The following SNIP1 variants were observed in gnomAD, a reference collection of about 807,000 sequenced individuals.
SNIP1 encodes smad nuclear-interacting protein 1.
A neutral mutation model predicts 37.4 loss-of-function variants in SNIP1; 23 were observed. The ratio of observed to expected loss-of-function variants is 0.61; its 90% CI spans 0.44 to 0.87. The LOEUF is 0.87. SNIP1 is among the 40% of genes least tolerant of loss of function. The pLI, the probability that SNIP1 is intolerant of heterozygous loss-of-function variation, is 0.00. For synonymous variants in SNIP1, 174 were observed against 200.0 expected (o/e 0.87, Z 1.10); for missense variants, 459 against 540.4 (o/e 0.85, Z 1.49).
At chr1:37,542,905 C>T (rs1570021346) in intron 2 of SNIP1, among the ~76,000 whole-genome samples, 1 of 151,840 alleles carries the variant, frequency 6.6e-6, no homozygotes, top group East Asian at 1.9e-4. Context: ...ACAAAAAATA[C>T]AAAAATTAGC....
In SNIP1 at chr1:37,535,639, T is replaced by C. The variant is rs1025300211; in HGVS notation, c.*2109A>G. On this transcript the variant is annotated 3_prime_UTR_variant, in exon 4 of 4. Transcript: ENST00000296215. ...TGAACAAGGAGATCCTAGAGTAAGA[T>C]ACCAGATTAGTGCTTAAACCCTCAA... is the stretch of plus-strand genomic sequence containing the variant. The C allele has an allele frequency of 7.2e-5, 11 of 152,076 alleles. No individual in the cohort carries two copies. Among genetic ancestry groups the C allele is most frequent in the African/African-American group, 2.4e-4 (10 of 41,398 alleles). 9.4% of individuals were successfully genotyped at this position (152,076 alleles called of 1,614,324 possible).
At chr1:37,545,874 CAA>C (rs1643230327) in intron 2 of SNIP1, among the ~76,000 whole-genome samples, 1 of 152,006 alleles carries the variant, frequency 6.6e-6, no homozygotes, top group Non-Finnish European at 1.5e-5. Context: ...TGGCTACTAT[CAA>C]AAAACTGAAA....
rs537166630 is a variant in SNIP1, at chr1:37,535,849, C to T, written c.*1899G>A. On this transcript the variant is annotated 3_prime_UTR_variant, in exon 4 of 4. Transcript: ENST00000296215. The stretch of plus-strand genomic sequence containing the variant: ...TTTCTGAGACAGAGTCTCGCTGTCA[C>T]CCAGGCTGGAGTGCAGTGGCACAAT... The T allele has an allele frequency of 6.6e-6, 1 of 151,772 alleles. No homozygotes were observed. Among genetic ancestry groups the T allele is most frequent in the Admixed American group, 6.6e-5 (1 of 15,224 alleles). The allele number at this position is 151,772 out of a possible 1,614,324, so 9.4% of individuals were successfully genotyped here. A position where few individuals can be genotyped will look rare whatever the true frequency, so the allele number is the denominator to read the frequency against.
At chr1:37,553,582 G>C (rs962596691) in intron 1 of SNIP1, among the ~76,000 whole-genome samples, 9 of 151,966 alleles carry the variant, frequency 5.9e-5, no homozygotes, top group Admixed American at 1.3e-4. Context: ...CTAGCAAGAA[G>C]TAACTTTTTT....
intron 2 of SNIP1, among the ~76,000 whole-genome samples, chr1:37,544,127 A>G (rs1643202671): frequency 6.6e-6 from 1 of 150,830 alleles, no homozygotes; most frequent in Non-Finnish European, 1.5e-5. Context: ...CTGAACGACA[A>G]AGAGAGACTC....
chr1:37,540,079 C>T lies in SNIP1; in HGVS notation c.926+78G>A, dbSNP rs1323058675. 20 of 1,319,772 alleles carry T rather than the reference C, an allele frequency of 1.5e-5. No individual in the cohort carries two copies. The highest frequency in any genetic ancestry group is 2.0e-5 in the Non-Finnish European group (19 of 955,862). The allele number at this position is 1,319,772 out of a possible 1,614,324, so 81.8% of individuals were successfully genotyped here. A position where few individuals can be genotyped will look rare whatever the true frequency, so the allele number is the denominator to read the frequency against. ...GGGGTATGGGATTCTTCTGCATAAA[C>T]ATGAACAAAAATCTTAGTAATCCTA... On this transcript the variant is annotated intron_variant, in intron 3 of 3. Coordinates refer to ENST00000296215, the MANE Select transcript of SNIP1 (RefSeq NM_024700.4). This position sits in a 1 kb window ranked among gnomAD's most constrained non-coding sequence, Gnocchi z 5.6.
Position 37,554,166 on chromosome 1 carries a change from C to A in SNIP1, c.64G>T (p.Val22Leu), listed in dbSNP as rs1382100256. ...TTCACCACCACCCCCGCCGGCAGCA[C>A]CACGTCCCCGTCCCGGTGTCTTCGC... The part of the protein sequence containing the change: ...SRRRHRDGDV[V>L]LPAGVVVKQE... Residue 22 changes from valine to leucine, a missense_variant, in exon 1 of 4, where the codon GTG becomes TTG. Transcript: ENST00000296215. 6.2e-7 allele frequency: 1 copy of A among 1,612,932 alleles called. No homozygotes were observed. Among genetic ancestry groups the A allele is most frequent in the Non-Finnish European group, 8.5e-7 (1 of 1,179,418 alleles).
chr1:37,548,508 G>A lies in SNIP1; in HGVS notation c.327+4137C>T, dbSNP rs972755214. 5.3e-5 allele frequency among the ~76,000 whole-genome samples: 8 copies of A among 151,842 alleles called. No homozygotes were observed. In the East Asian group the frequency reaches 1.4e-3, roughly 26 times the overall value. ...TTTTTGTATTTTTAGTAGAGACGAA[G>A]TTTCACCATGTTGGCCAGGCTGGTC... is the stretch of plus-strand genomic sequence containing the variant. On this transcript the variant is annotated intron_variant, in intron 2 of 3. Transcript: ENST00000296215.
chr1:37,544,967 C>T, intron 2 of SNIP1: 1 of 789,234 alleles, frequency 1.3e-6, no homozygotes, highest in Non-Finnish European at 2.3e-6. Flanking sequence ...GATGAAGCTG[C>T]AGAACCAATG....
At position 37,535,871 on chromosome 1, in the gene SNIP1, C is replaced by T. The variant is rs1643086163; in HGVS notation, c.*1877G>A. On this transcript the variant is annotated 3_prime_UTR_variant, in exon 4 of 4. Transcript: ENST00000296215. ...TCACCCAGGCTGGAGTGCAGTGGCA[C>T]AATCTCAGCTCGCTGCAACCTCCAC... The T allele has an allele frequency of 6.6e-6, 1 of 151,506 alleles. No homozygotes were observed. Among genetic ancestry groups the T allele is most frequent in the South Asian group, 2.1e-4 (1 of 4,816 alleles). 9.4% of individuals were successfully genotyped at this position (151,506 alleles called of 1,614,324 possible). A position where few individuals can be genotyped will look rare whatever the true frequency, so the allele number is the denominator to read the frequency against.
rs1334697263 is a variant in SNIP1, at chr1:37,540,427, G to T, written c.656C>A (p.Pro219His). The change falls in exon 3 of 4, where the codon CCC becomes CAC. Residue 219 changes from proline to histidine, a missense_variant. By Grantham distance (77) the Pro-to-His change is moderately conservative (BLOSUM62 -2). Transcript: ENST00000296215. This position sits in a 1 kb window ranked among gnomAD's most constrained non-coding sequence, Gnocchi z 5.6. ...TTCAAAGCTTGGTTTTTCTTTAGCG[G>T]GCACCTCTTTTTCTTTGTTGTTGCC... ...PGGNNKEKEV[P>H]AKEKPSFELS... 6.2e-7 allele frequency: 1 copy of T among 1,614,012 alleles called. No homozygotes were observed. The highest frequency in any genetic ancestry group is 2.2e-5 in the East Asian group (1 of 44,884).
At chr1:37,542,104 T>TCACTACTATTGCATTTTGGGGC in intron 2 of SNIP1, among the ~76,000 whole-genome samples, 1 of 152,310 alleles carries the variant, frequency 6.6e-6, no homozygotes. Context: ...ATTGCCAAAA[T>TCACTACTATTGCATTTTGGGGC]CACTACTATT....
At chr1:37,545,924 C>G (rs1177319701) in intron 2 of SNIP1, among the ~76,000 whole-genome samples, 3 of 152,146 alleles carry the variant, frequency 2.0e-5, no homozygotes, top group South Asian at 2.1e-4. Flanking sequence ...AAATCAGAAC[C>G]CTTGTACACT....
chr1:37,552,513 G>A, intron 2 of SNIP1, 132 bp downstream of exon 2: 2 of 685,658 alleles, frequency 2.9e-6, no homozygotes, highest in East Asian at 5.3e-5. Flanking sequence ...GCCCATCGGA[G>A]GTACAAGTAG....
chr1:37,537,184 TA>T lies in SNIP1; in HGVS notation c.*563del, dbSNP rs1643108955. On this transcript the variant is annotated 3_prime_UTR_variant, in exon 4 of 4. Transcript: ENST00000296215. ...AGTCAATAATGTTTACTGACTGCAG[TA>T]CATTCCCACCCCCCAAAAAAATAAG... The T allele has an allele frequency of 6.5e-6, 1 of 153,326 alleles. No homozygotes were observed. 9.5% of individuals were successfully genotyped at this position (153,326 alleles called of 1,614,324 possible). A position where few individuals can be genotyped will look rare whatever the true frequency, so the allele number is the denominator to read the frequency against.
intron 1 of SNIP1, 146 bp downstream of exon 1, chr1:37,553,860 G>T: frequency 1.3e-6 from 1 of 799,244 alleles, no homozygotes; most frequent in Non-Finnish European, 2.0e-6. Flanking sequence ...CATAACACAA[G>T]CACGACTGGA....
Position 37,535,535 on chromosome 1 carries a change from A to C in SNIP1, c.*2213T>G, listed in dbSNP as rs1032614194. 6 of 152,258 alleles carry C rather than the reference A, an allele frequency of 3.9e-5. No homozygotes were observed. The highest frequency in any genetic ancestry group is 1.4e-4 in the African/African-American group (6 of 41,546). 9.4% of individuals were successfully genotyped at this position (152,258 alleles called of 1,614,324 possible). Reference sequence around the variant, plus strand: ...ACTGAAAAATGTAGGCAAAGTGGTCATCTATCACAGTGCCCACCAGGATGA... The same window carrying C: ...ACTGAAAAATGTAGGCAAAGTGGTCCTCTATCACAGTGCCCACCAGGATGA... On this transcript the variant is annotated 3_prime_UTR_variant, in exon 4 of 4. Coordinates refer to ENST00000296215, the MANE Select transcript of SNIP1 (RefSeq NM_024700.4).
intron 2 of SNIP1, among the ~76,000 whole-genome samples, chr1:37,549,886 G>C (rs1055839295): frequency 6.6e-6 from 1 of 152,142 alleles, no homozygotes; most frequent in Non-Finnish European, 1.5e-5. Flanking sequence ...TTGGCAGAGT[G>C]ACAGACACTG....
intron 2 of SNIP1, among the ~76,000 whole-genome samples, chr1:37,550,201 G>C (rs1643285382): frequency 6.6e-6 from 1 of 152,098 alleles, no homozygotes; most frequent in African/African-American, 2.4e-5. Context: ...GACATCAAAA[G>C]CACAATCCAT....
Sources: gnomAD v4.1 joint callset for allele counts (sites outside exome capture counted in the v4.1 genomes callset) on GRCh38, gnomAD v4.1.1 for gene constraint, Gnocchi (gnomAD v3.1) non-coding constraint, MANE v1.5 for transcripts, NCBI Gene and HGNC (gene_info 2026-07-23, HGNC 2026-07-21) for gene names.